Variants in SGK1 observed in about 807,000 individuals in gnomAD.
The protein encoded by SGK1 is serum/glucocorticoid regulated kinase 1.
In SGK1, 26 loss-of-function variants were observed where a neutral mutation model predicts 64.2. That is an observed-to-expected ratio of 0.40 (90% CI 0.30 to 0.56). SGK1 has a LOEUF of 0.56. Ranked by LOEUF, SGK1 falls within the 20% of genes least tolerant of loss-of-function variation. SGK1 has a pLI of 0.38. For missense variants in SGK1, 519 were observed against 645.6 expected (o/e 0.80, Z 2.12); for synonymous variants, 265 against 239.7 (o/e 1.11, Z -0.98).
At chr6:134,183,743 A>T (rs1478924899) in intron 3 of SGK1, among the ~76,000 whole-genome samples, 1 of 152,040 alleles carries the variant, frequency 6.6e-6, no homozygotes, top group Non-Finnish European at 1.5e-5. Context: ...CTGGGAAAAA[A>T]AATAAACCCA....
chr6:134,297,332 C>T (rs1348061814), intron 1 of SGK1: 1 of 1,136,918 alleles, frequency 8.8e-7, no homozygotes, highest in African/African-American at 1.5e-5. Context: ...CCATGTCCTG[C>T]TAGGCCCGCT....
intron 1 of SGK1, among the ~76,000 whole-genome samples, chr6:134,284,240 A>G (rs1166613554): frequency 6.6e-6 from 1 of 151,958 alleles, no homozygotes; most frequent in Non-Finnish European, 1.5e-5. Flanking sequence ...CTACAGGTGC[A>G]CACCACCACG....
chr6:134,304,551 G>C (rs1777507258), intron 1 of SGK1, among the ~76,000 whole-genome samples: 2 of 152,050 alleles, frequency 1.3e-5, no homozygotes, highest in Admixed American at 6.6e-5. Flanking sequence ...CTTGAATCTG[G>C]GAGGCGGAGG....
chr6:134,183,479 A>G (rs1379320843), intron 3 of SGK1, among the ~76,000 whole-genome samples: 1 of 152,216 alleles, frequency 6.6e-6, no homozygotes, highest in Non-Finnish European at 1.5e-5. Context: ...CCTGAATCTA[A>G]CAAGGATGTC....
At chr6:134,303,105 G>C (rs913014388) in intron 1 of SGK1, among the ~76,000 whole-genome samples, 2 of 151,950 alleles carry the variant, frequency 1.3e-5, no homozygotes, top group African/African-American at 4.8e-5. Context: ...GAAAGTTAAG[G>C]CTTAGAGGCC....
intron 2 of SGK1, among the ~76,000 whole-genome samples, chr6:134,215,838 G>A (rs892386453): frequency 6.6e-6 from 1 of 152,078 alleles, no homozygotes; most frequent in South Asian, 2.1e-4. Context: ...CCAACATGGA[G>A]AAACTACGTC....
chr6:134,201,558 C>T (rs1775685168), intron 3 of SGK1, among the ~76,000 whole-genome samples: 2 of 151,936 alleles, frequency 1.3e-5, no homozygotes, highest in African/African-American at 4.8e-5. Flanking sequence ...GACGGGGTTT[C>T]ACCATGTTGG....
chr6:134,207,405 G>A lies in SGK1; in HGVS notation c.312C>T (p.Asn104=). 6.2e-7 allele frequency: 1 copy of A among 1,612,084 alleles called. No homozygotes were observed. Among genetic ancestry groups the A allele is most frequent in the African/African-American group, 1.3e-5 (1 of 75,006 alleles). The stretch of plus-strand genomic sequence containing the variant: ...TTCTTGGATCGGGCTTGGTCAGGAT[G>A]TTGGCATGATTACATGGCTCTCTCA... ...CEVREPCNHA[N]ILTKPDPRTF... Residue 104 remains asparagine (N), a synonymous_variant, in exon 3 of 14, where the codon AAC becomes AAT. Transcript: ENST00000367858.
rs573992389 is a variant in SGK1, at chr6:134,207,737, C to T, written c.286-306G>A. On this transcript the variant is annotated intron_variant, in intron 2 of 13. Coordinates refer to ENST00000367858, the MANE Select transcript of SGK1 (RefSeq NM_001143676.3). ...AGCTCACCCAGTGCTATGTGCAGTGCACAAACTGCACAGCCGTATGAAGAG... is the reference window on the plus strand; with the variant it reads ...AGCTCACCCAGTGCTATGTGCAGTGTACAAACTGCACAGCCGTATGAAGAG... Among the ~76,000 whole-genome samples, 6 of 152,286 alleles carry T rather than the reference C, an allele frequency of 3.9e-5. No individual in the cohort carries two copies. In the East Asian group the frequency reaches 1.2e-3, roughly 29 times the overall value.
At chr6:134,213,856 A>G (rs1024730551) in intron 2 of SGK1, among the ~76,000 whole-genome samples, 13 of 152,066 alleles carry the variant, frequency 8.5e-5, no homozygotes, top group Admixed American at 7.9e-4. Flanking sequence ...AAAACGTGAT[A>G]TAATAAGAAC....
At chr6:134,248,468 T>G in intron 2 of SGK1, among the ~76,000 whole-genome samples, 1 of 148,832 alleles carries the variant, frequency 6.7e-6, no homozygotes. Context: ...TTTTTTTTTT[T>G]TTAGATGGAG....
At chr6:134,258,661 C>T (rs1007690557) in intron 2 of SGK1, among the ~76,000 whole-genome samples, 1 of 152,084 alleles carries the variant, frequency 6.6e-6, no homozygotes, top group African/African-American at 2.4e-5. Flanking sequence ...GCCGAGATCG[C>T]GCCACTGCGC....
chr6:134,247,770 A>C (rs995883334), intron 2 of SGK1, among the ~76,000 whole-genome samples: 4 of 152,154 alleles, frequency 2.6e-5, no homozygotes, highest in African/African-American at 9.7e-5. Flanking sequence ...TATGTCATAC[A>C]ATTTATGCCA....
At chr6:134,190,886 T>C (rs185426968) in intron 3 of SGK1, among the ~76,000 whole-genome samples, 2 of 152,338 alleles carry the variant, frequency 1.3e-5, no homozygotes, top group African/African-American at 4.8e-5. Flanking sequence ...ATAGTAAGTG[T>C]CTAAAACAGG....
intron 3 of SGK1, chr6:134,175,698 G>A (rs995604112): frequency 6.9e-7 from 1 of 1,442,484 alleles, no homozygotes; most frequent in Admixed American, 2.5e-5. Flanking sequence ...AGACGAGAGC[G>A]ACCGGCGAGC....
intron 3 of SGK1, chr6:134,175,916 G>A: frequency 8.3e-7 from 1 of 1,202,056 alleles, no homozygotes; most frequent in Non-Finnish European, 1.0e-6. Context: ...AAAGGGGGAG[G>A]GAGAGGTCAG....
intron 1 of SGK1, 24 bp downstream of exon 1, chr6:134,317,368 G>C (rs990172279): frequency 4.0e-6 from 6 of 1,491,536 alleles, no homozygotes; most frequent in Non-Finnish European, 5.6e-6. Context: ...GAAAACAAAA[G>C]AAATAAGCAA....
chr6:134,313,354 A>G (rs745844105), intron 1 of SGK1, among the ~76,000 whole-genome samples: 5 of 152,126 alleles, frequency 3.3e-5, no homozygotes, highest in Non-Finnish European at 7.4e-5. Context: ...ACAACCAACC[A>G]ACCAAACAAA....
chr6:134,306,937 TAATTCTGAAATA>T (rs1414344108), intron 1 of SGK1, among the ~76,000 whole-genome samples: 1 of 146,872 alleles, frequency 6.8e-6, no homozygotes, highest in Non-Finnish European at 1.5e-5. Flanking sequence ...ATTTCAACAC[TAATTCTGAAATA>T]AATTCTGAAT....
Sources: allele counts gnomAD v4.1 joint callset (sites outside exome capture counted in the v4.1 genomes callset), GRCh38; gene constraint gnomAD v4.1.1; transcripts MANE v1.5; gene names NCBI Gene and HGNC (gene_info 2026-07-23, HGNC 2026-07-21).